Variants in ST8SIA1 observed in about 807,000 individuals in gnomAD.
ST8SIA1 encodes ST8 alpha-N-acetyl-neuraminide alpha-2,8-sialyltransferase 1.
A neutral mutation model predicts 35.9 loss-of-function variants in ST8SIA1; 16 were observed. The ratio of observed to expected loss-of-function variants is 0.45; its 90% CI spans 0.30 to 0.68. The LOEUF is 0.68. Among genes scored for constraint, ST8SIA1 ranks in the 30% least tolerant of loss-of-function variants. ST8SIA1 has a pLI of 0.09. For synonymous variants in ST8SIA1, 170 were observed against 169.6 expected, an observed-to-expected ratio of 1.00 and a Z score of -0.02; for missense variants, 383 against 453.6, an observed-to-expected ratio of 0.84 and a Z score of 1.41.
At chr12:22,295,065 G>C (rs1866226487) in intron 1 of ST8SIA1, among the ~76,000 whole-genome samples, 1 of 152,164 alleles carries the variant, frequency 6.6e-6, no homozygotes, top group Non-Finnish European at 1.5e-5. Flanking sequence ...ATAAGGCAGT[G>C]AATAAACCAG....
chr12:22,320,999 GAAAGA>G (rs879600399), intron 1 of ST8SIA1, among the ~76,000 whole-genome samples: 6,237 of 89,466 alleles, frequency 0.07, 177 homozygotes, highest in Middle Eastern at 0.12. Context: ...AAGAAAGAAA[GAAAGA>G]AGAAAGAAAG....
intron 1 of ST8SIA1, among the ~76,000 whole-genome samples, chr12:22,300,251 C>T (rs1368171649): frequency 6.6e-6 from 1 of 152,012 alleles, no homozygotes; most frequent in Admixed American, 6.6e-5. Context: ...TATAAAATGC[C>T]AATCCAAAAT....
chr12:22,303,845 G>GCC (rs1555161248), intron 1 of ST8SIA1, among the ~76,000 whole-genome samples: 2 of 57,738 alleles, frequency 3.5e-5, no homozygotes, highest in African/African-American at 6.8e-5. Flanking sequence ...CCACCACCCT[G>GCC]CCACACACAC....
chr12:22,289,343 C>T (rs1383352788), intron 1 of ST8SIA1, among the ~76,000 whole-genome samples: 2 of 152,020 alleles, frequency 1.3e-5, no homozygotes, highest in African/African-American at 4.8e-5. Flanking sequence ...AGGAAACAGG[C>T]TTAGAGCGGT....
At chr12:22,297,137 C>A (rs969141738) in intron 1 of ST8SIA1, among the ~76,000 whole-genome samples, 1 of 151,832 alleles carries the variant, frequency 6.6e-6, no homozygotes, top group African/African-American at 2.4e-5. Flanking sequence ...ACACCTAGAT[C>A]TGAGATTATG....
chr12:22,255,530 A>G, intron 2 of ST8SIA1, 141 bp from the exon 3 acceptor site: 1 of 759,880 alleles, frequency 1.3e-6, no homozygotes, highest in Non-Finnish European at 2.2e-6. Context: ...GAAAGATGCC[A>G]AGAAGTTTGT....
chr12:22,292,553 T>A (rs532037269), intron 1 of ST8SIA1, among the ~76,000 whole-genome samples: 1 of 143,114 alleles, frequency 7.0e-6, no homozygotes, highest in African/African-American at 2.8e-5. Flanking sequence ...TATATATGGA[T>A]GGAATATTAT....
chr12:22,238,757 T>C (rs2120718979), intron 4 of ST8SIA1, among the ~76,000 whole-genome samples: 1 of 152,340 alleles, frequency 6.6e-6, no homozygotes, highest in Non-Finnish European at 1.5e-5. Flanking sequence ...TCTGCAAAAA[T>C]AATGTATGAT....
intron 1 of ST8SIA1, among the ~76,000 whole-genome samples, chr12:22,296,365 G>A (rs1034230880): frequency 6.6e-6 from 1 of 152,152 alleles, no homozygotes; most frequent in Non-Finnish European, 1.5e-5. Context: ...TGGAGGGTGT[G>A]GGGCCACTGC....
intron 4 of ST8SIA1, among the ~76,000 whole-genome samples, chr12:22,242,385 A>G (rs1865550615): frequency 6.6e-6 from 1 of 152,178 alleles, no homozygotes; most frequent in East Asian, 1.9e-4. Context: ...AATTTGACAA[A>G]GAGACTGATT....
chr12:22,312,469 G>A (rs1172223093), intron 1 of ST8SIA1, among the ~76,000 whole-genome samples: 1 of 152,172 alleles, frequency 6.6e-6, no homozygotes, highest in Non-Finnish European at 1.5e-5. Context: ...AAGCCTGGCT[G>A]CTGAGCAGCA....
Position 22,249,062 on chromosome 12 carries a change from C to A in ST8SIA1, c.528G>T (p.Lys176Asn). The A allele has an allele frequency of 6.2e-7, 1 of 1,613,868 alleles. No homozygotes were observed. Among genetic ancestry groups the A allele is most frequent in the South Asian group, 1.1e-5 (1 of 91,068 alleles). ...NLPPLSSEYT[K>N]DVGSKSQLVT... ...CTAACTGACTTTTGGATCCAACATC[C>A]TTAGTGTATTCACTTGACAAAGGAG... is the stretch of plus-strand genomic sequence containing the variant. The change falls in exon 4 of 5, where the codon AAG (lysine) becomes AAT (asparagine). Residue 176 changes from lysine to asparagine, a missense_variant. Physicochemically the swap from Lys to Asn is moderately conservative, Grantham distance 94 (BLOSUM62 0). Coordinates refer to ENST00000396037, the MANE Select transcript of ST8SIA1 (RefSeq NM_003034.4).
intron 1 of ST8SIA1, chr12:22,324,647 G>A (rs1866651197): frequency 6.6e-6 from 1 of 152,096 alleles, no homozygotes. Context: ...TTTGTTAAAT[G>A]TCAATTACTT....
intron 2 of ST8SIA1, 109 bp from the exon 3 acceptor site, chr12:22,255,498 A>G (rs1449499450): frequency 8.1e-6 from 7 of 862,162 alleles, no homozygotes; most frequent in Non-Finnish European, 1.4e-5. Context: ...GACTGAGTCC[A>G]GCAAAAAAGA....
chr12:22,210,036 A>G (rs573327796), intron 4 of ST8SIA1, among the ~76,000 whole-genome samples: 2 of 152,334 alleles, frequency 1.3e-5, no homozygotes, highest in South Asian at 4.1e-4. Flanking sequence ...CCTAAATGCC[A>G]TCACTAATAG....
rs1193617871 is a variant in ST8SIA1 at position 22,195,188 on chromosome 12, C to CAAAAAAAA, written c.*6356_*6363dup. On this transcript the variant is annotated 3_prime_UTR_variant, in exon 5 of 5. Transcript: ENST00000396037. The stretch of plus-strand genomic sequence containing the variant: ...ACAAGAGCAAAAAACTCTGTCTCAA[C>CAAAAAAAA]AAAAAAAAAAAAAAAAAAAAAAAAG... 1.7e-3 allele frequency: 88 copies of CAAAAAAAA among 50,378 alleles called. 1 individual carries two copies. Among genetic ancestry groups the CAAAAAAAA allele is most frequent in the Non-Finnish European group, 2.6e-3 (66 of 25,350 alleles). 3.1% of individuals were successfully genotyped at this position (50,378 alleles called of 1,614,324 possible). A position where few individuals can be genotyped will look rare whatever the true frequency, so the allele number is the denominator to read the frequency against.
chr12:22,221,002 A>AATAT (rs1865292749), intron 4 of ST8SIA1, among the ~76,000 whole-genome samples: 1 of 152,198 alleles, frequency 6.6e-6, no homozygotes, highest in Non-Finnish European at 1.5e-5. Context: ...AAATGTCATG[A>AATAT]TTCCCAAAAT....
At chr12:22,303,859 C>T (rs977071769) in intron 1 of ST8SIA1, among the ~76,000 whole-genome samples, 1 of 140,322 alleles carries the variant, frequency 7.1e-6, no homozygotes, top group Non-Finnish European at 1.5e-5. Context: ...CACACACACA[C>T]ACACACACAC....
chr12:22,325,338 GT>G (rs1202799031), intron 1 of ST8SIA1: 2 of 680,770 alleles, frequency 2.9e-6, no homozygotes, highest in Non-Finnish European at 5.3e-6. Flanking sequence ...TGTCTTCTGT[GT>G]TTAAGATCTG....
Sources: allele counts gnomAD v4.1 joint callset (sites outside exome capture counted in the v4.1 genomes callset), GRCh38; gene constraint gnomAD v4.1.1; transcripts MANE v1.5; gene names NCBI Gene and HGNC (gene_info 2026-07-23, HGNC 2026-07-21).